Variants in TMPRSS9 observed in about 807,000 individuals in gnomAD.
TMPRSS9 encodes the protein transmembrane serine protease 9, also known as transmembrane protease serine 9.
In TMPRSS9, 113 loss-of-function variants were observed where a neutral mutation model predicts 111.4. The observed-to-expected ratio is 1.01, with a 90% CI of 0.87 to 1.19. The LOEUF (loss-of-function observed/expected upper bound fraction) is 1.19. Ranked by LOEUF, TMPRSS9 falls within the 50% of genes most tolerant of loss-of-function variation. The probability of loss-of-function intolerance (pLI) is 0.00; values close to 1 mark genes in which losing one functional copy is unlikely to be tolerated. For synonymous variants in TMPRSS9, 805 were observed against 659.1 expected (o/e 1.22, Z -3.39); for missense variants, 1,803 against 1,513.1 (o/e 1.19, Z -3.18).
At chr19:2,426,238 A>AAGGTCATGGGGATGCATTTTGGTACC in exon 18 of TMPRSS9, 5 of 870,088 alleles carry the variant, frequency 5.7e-6, no homozygotes, top group South Asian at 5.6e-5. Flanking sequence ...CCTTTGTTCC[A>AAGGTCATGGGGATGCATTTTGGTACC]ATAAACACAG....
chr19:2,421,881 G>A (rs752538473), exon 14 of TMPRSS9: 18 of 1,609,678 alleles, frequency 1.1e-5, no homozygotes, highest in South Asian at 5.5e-5. Flanking sequence ...CCTGGCCTGC[G>A]AGGAGGCCCC....
chr19:2,381,160 T>TGGCCC (rs1293731367), intron 1 of TMPRSS9, among the ~76,000 whole-genome samples: 1 of 152,062 alleles, frequency 6.6e-6, no homozygotes, highest in Non-Finnish European at 1.5e-5. Context: ...CAGCCAGGCC[T>TGGCCC]GGCCCATCGT....
In TMPRSS9 at chr19:2,399,365, C is replaced by A. The variant is rs566108160; in HGVS notation, c.514+172C>A. On this transcript the variant is annotated intron_variant, in intron 4 of 17. Transcript: ENST00000648592. The stretch of plus-strand genomic sequence containing the variant: ...TTGGGAGGCCGAGGCGGGTGGATCA[C>A]CTGAGGTCAGGAGTTTGAGACCAGC... Among the ~76,000 whole-genome samples, 20 of 152,266 alleles carry A rather than the reference C, an allele frequency of 1.3e-4. 1 individual carries two copies. The South Asian group carries it at 4.1e-3, about 32-fold the overall frequency.
intron 6 of TMPRSS9, 34 bp from the exon 8 acceptor site, chr19:2,405,340 G>A (rs776018765): frequency 3.2e-6 from 5 of 1,555,574 alleles, no homozygotes; most frequent in South Asian, 2.4e-5. Context: ...TCCTGCCTTC[G>A]TGGGGTCATG....
intron 4 of TMPRSS9, among the ~76,000 whole-genome samples, chr19:2,401,086 A>C (rs192584275): frequency 2.0e-5 from 3 of 150,680 alleles, no homozygotes; most frequent in East Asian, 3.9e-4. Context: ...CATCCTGGCT[A>C]ACACGGTGAA....
At chr19:2,392,618 T>C (rs887310138) in intron 1 of TMPRSS9, among the ~76,000 whole-genome samples, 7 of 152,152 alleles carry the variant, frequency 4.6e-5, no homozygotes, top group Admixed American at 2.6e-4. Context: ...TGAAGAATTG[T>C]TATGTCTAGC....
At chr19:2,424,123 T>C in exon 15 of TMPRSS9, 1 of 1,383,534 alleles carries the variant, frequency 7.2e-7, no homozygotes. Flanking sequence ...TCACCAGGAT[T>C]GTGGGCGGCA....
chr19:2,398,955 T>A (rs1009540395), intron 3 of TMPRSS9, 63 bp from the exon 5 acceptor site: 1 of 1,556,344 alleles, frequency 6.4e-7, no homozygotes, highest in South Asian at 1.2e-5. Flanking sequence ...TCTAGAAGAT[T>A]CCAGAAGATT....
At chr19:2,362,677 G>A (rs1464206393) in intron 1 of TMPRSS9, among the ~76,000 whole-genome samples, 2 of 152,146 alleles carry the variant, frequency 1.3e-5, no homozygotes, top group African/African-American at 2.4e-5. Flanking sequence ...ATGACTATAT[G>A]TGTGAAGTTG....
chr19:2,387,734 C>T (rs1166990962), upstream of TMPRSS9, among the ~76,000 whole-genome samples: 1 of 150,464 alleles, frequency 6.6e-6, no homozygotes, highest in African/African-American at 2.4e-5. Context: ...AACAGAGAGA[C>T]TCTCTCTCTC....
At chr19:2,422,622 A>C (rs1198016815) in intron 14 of TMPRSS9, among the ~76,000 whole-genome samples, 1 of 151,942 alleles carries the variant, frequency 6.6e-6, no homozygotes, top group African/African-American at 2.4e-5. Context: ...GCGGTGGCTC[A>C]TGCCTGTAAT....
At chr19:2,388,296 G>A (rs1970516173), upstream of TMPRSS9, among the ~76,000 whole-genome samples, 1 of 152,086 alleles carries the variant, frequency 6.6e-6, no homozygotes, top group South Asian at 2.1e-4. Flanking sequence ...GGAGGTGGGA[G>A]GATCGCTTGA....
At position 2,418,270 on chromosome 19, in the gene TMPRSS9, TTCCC is replaced by T. The variant is rs371320884; in HGVS notation, c.2154+136_2154+139del. ...TCCCCCCCTCCTTCCCTCCTTGTCC[TTCCC>T]TCCTTTTCCTTTCCTCCTTTCCTTC... On this transcript the variant is annotated intron_variant, in intron 13 of 17. Transcript: ENST00000648592. 2 of 992,544 alleles carry T rather than the reference TTCCC, an allele frequency of 2.0e-6. 1 individual carries two copies. The highest frequency in any genetic ancestry group is 2.8e-6 in the Non-Finnish European group (2 of 708,440). 61.5% of individuals were successfully genotyped at this position (992,544 alleles called of 1,614,324 possible).
chr19:2,420,529 T>C (rs1037189027), intron 13 of TMPRSS9, among the ~76,000 whole-genome samples: 10 of 151,716 alleles, frequency 6.6e-5, no homozygotes, highest in African/African-American at 2.4e-4. Flanking sequence ...AAAATATCAA[T>C]GACAGTGTAA....
chr19:2,405,099 C>T (rs923069335), intron 6 of TMPRSS9, among the ~76,000 whole-genome samples: 2 of 152,060 alleles, frequency 1.3e-5, no homozygotes, highest in African/African-American at 4.8e-5. Context: ...GGGGTCATCG[C>T]CCCTTACCCA....
At chr19:2,395,282 T>TG (rs1970683223) in intron 1 of TMPRSS9, among the ~76,000 whole-genome samples, 1 of 151,024 alleles carries the variant, frequency 6.6e-6, no homozygotes, top group Non-Finnish European at 1.5e-5. Flanking sequence ...TAGCCAGGTG[T>TG]GGTGGTCCAC....
At chr19:2,410,429 C>G (rs1971071520) in intron 9 of TMPRSS9, 35 bp downstream of exon 10, 5 of 1,610,044 alleles carry the variant, frequency 3.1e-6, no homozygotes, top group South Asian at 1.1e-5. Flanking sequence ...CAGAAAAACA[C>G]AGAAATAGAC....
chr19:2,424,200 G>A, exon 15 of TMPRSS9: 1 of 1,455,130 alleles, frequency 6.9e-7, no homozygotes, highest in Admixed American at 2.5e-5. Flanking sequence ...GAACACCGTT[G>A]CGGGGCCGTG....
intron 11 of TMPRSS9, 113 bp from the exon 13 acceptor site, chr19:2,416,424 TG>T: frequency 2.1e-6 from 3 of 1,402,456 alleles, no homozygotes; most frequent in Admixed American, 2.4e-5. Context: ...AGGATGGTCC[TG>T]GGGCCCAGGC....
Sources: allele counts gnomAD v4.1 joint callset (sites outside exome capture counted in the v4.1 genomes callset), GRCh38; gene constraint gnomAD v4.1.1; transcripts MANE v1.5; gene names NCBI Gene and HGNC (gene_info 2026-07-23, HGNC 2026-07-21).